The following GPHN variants were observed in gnomAD, a reference collection of about 807,000 sequenced individuals.
GPHN encodes gephyrin.
GPHN carries 17 observed loss-of-function variants against 95.5 expected under a neutral mutation model. The observed-to-expected ratio is 0.18, with a 90% CI of 0.12 to 0.27. The LOEUF (loss-of-function observed/expected upper bound fraction) is 0.27, where lower values mean the gene tolerates loss of function less well. Among genes scored for constraint, GPHN ranks in the 10% least tolerant of loss-of-function variants. GPHN has a pLI of 1.00. For synonymous variants in GPHN, 320 were observed against 322.5 expected (o/e 0.99, Z 0.08); for missense variants, 660 against 978.1 (o/e 0.67, Z 4.34).
chr14:67,398,106 G>A, the GPHN span: 1 of 302,470 alleles, frequency 3.3e-6, no homozygotes, highest in Non-Finnish European at 6.0e-6. Flanking sequence ...CTACTGCTAG[G>A]AGACAGCCAT....
chr14:67,352,868 G>A, the GPHN span: 2 of 1,185,072 alleles, frequency 1.7e-6, no homozygotes, highest in East Asian at 2.5e-5. Context: ...AAAATGCCAA[G>A]GGCCATGCTG....
At chr14:66,802,817 G>A (rs1305449824) in intron 3 of GPHN, among the ~76,000 whole-genome samples, 2 of 152,066 alleles carry the variant, frequency 1.3e-5, no homozygotes, top group East Asian at 1.9e-4. Flanking sequence ...GGCTGAGCTG[G>A]TATCCCAGCT....
the GPHN span, among the ~76,000 whole-genome samples, chr14:67,507,017 C>T: frequency 1.3e-5 from 2 of 152,012 alleles, no homozygotes; most frequent in Non-Finnish European, 2.9e-5. Flanking sequence ...AAGAAAAAGC[C>T]TTGTTCAAAG....
At chr14:67,154,771 A>G (rs890682271) in intron 18 of GPHN, among the ~76,000 whole-genome samples, 5 of 152,176 alleles carry the variant, frequency 3.3e-5, no homozygotes, top group African/African-American at 1.2e-4. Context: ...AGACCTGAAG[A>G]TTTCTGCTTC....
intron 8 of GPHN, among the ~76,000 whole-genome samples, chr14:66,949,006 A>G (rs556332376): frequency 1.3e-5 from 2 of 152,326 alleles, no homozygotes; most frequent in Admixed American, 6.5e-5. Context: ...TCAGTATTAG[A>G]AGCTCTGAGA....
the GPHN span, among the ~76,000 whole-genome samples, chr14:67,682,952 T>C: frequency 6.6e-6 from 1 of 152,210 alleles, no homozygotes; most frequent in African/African-American, 2.4e-5. Context: ...CTTGATAACA[T>C]TAAGCTGAGT....
chr14:67,094,521 A>G (rs1226910306), intron 12 of GPHN, among the ~76,000 whole-genome samples: 1 of 152,134 alleles, frequency 6.6e-6, no homozygotes, highest in African/African-American at 2.4e-5. Context: ...CTTCAAATCT[A>G]TTCATCTTTT....
chr14:66,893,509 C>T (rs992058520), intron 5 of GPHN, among the ~76,000 whole-genome samples: 2 of 152,180 alleles, frequency 1.3e-5, no homozygotes, highest in African/African-American at 4.8e-5. Context: ...GAAATTCTGG[C>T]CAGGGCAATC....
At chr14:67,181,911 A>G (rs41314529), downstream of GPHN, 1,945 of 163,760 alleles carry the variant, frequency 0.012, 21 homozygotes, top group Non-Finnish European at 0.018. Flanking sequence ...AGAATATTTA[A>G]AATATGGTAT....
intron 16 of GPHN, among the ~76,000 whole-genome samples, chr14:67,120,270 T>G (rs1362757614): frequency 6.6e-6 from 1 of 152,204 alleles, no homozygotes; most frequent in Non-Finnish European, 1.5e-5. Context: ...GTAATAAATT[T>G]CAGACATCAT....
intron 5 of GPHN, among the ~76,000 whole-genome samples, chr14:66,905,842 C>G (rs1422974097): frequency 2.6e-5 from 4 of 152,114 alleles, no homozygotes; most frequent in African/African-American, 9.7e-5. Flanking sequence ...GTTTTCTGTT[C>G]CTGCATGAAT....
intron 2 of GPHN, among the ~76,000 whole-genome samples, chr14:66,758,771 A>G (rs185149543): frequency 6.6e-6 from 1 of 152,210 alleles, no homozygotes; most frequent in Admixed American, 6.5e-5. Flanking sequence ...ACCTGGCAGG[A>G]TTTGCAGGAT....
chr14:67,542,944 C>T, the GPHN span, among the ~76,000 whole-genome samples: 4 of 152,104 alleles, frequency 2.6e-5, no homozygotes, highest in East Asian at 1.9e-4. Flanking sequence ...AGGTGATCCT[C>T]GCCTCAGGTG....
At chr14:67,577,870 A>T in the GPHN span, among the ~76,000 whole-genome samples, 1 of 152,190 alleles carries the variant, frequency 6.6e-6, no homozygotes, top group Non-Finnish European at 1.5e-5. Flanking sequence ...TTTAGTAAGC[A>T]GAGATGCCCT....
the GPHN span, among the ~76,000 whole-genome samples, chr14:67,450,680 A>G: frequency 6.6e-6 from 1 of 152,216 alleles, no homozygotes; most frequent in African/African-American, 2.4e-5. Flanking sequence ...CAAAGCATTT[A>G]AGAGGTGACT....
the GPHN span, among the ~76,000 whole-genome samples, chr14:67,303,823 A>C: frequency 6.6e-6 from 1 of 151,430 alleles, no homozygotes; most frequent in African/African-American, 2.4e-5. Flanking sequence ...GGTAGAGTGC[A>C]GTGGTGTGAT....
At chr14:67,660,955 A>T in the GPHN span, among the ~76,000 whole-genome samples, 28 of 152,202 alleles carry the variant, frequency 1.8e-4, no homozygotes, top group Admixed American at 1.3e-4. Flanking sequence ...TCCCATTAGG[A>T]AGAAGATAGT....
the GPHN span, among the ~76,000 whole-genome samples, chr14:67,542,718 G>C: frequency 6.6e-6 from 1 of 151,674 alleles, no homozygotes; most frequent in Non-Finnish European, 1.5e-5. Flanking sequence ...TTCATTTATT[G>C]AGATGGAGTT....
At chr14:66,623,608 A>C (rs1292989764) in intron 1 of GPHN, among the ~76,000 whole-genome samples, 5 of 123,224 alleles carry the variant, frequency 4.1e-5, no homozygotes, top group Non-Finnish European at 6.3e-5. Flanking sequence ...TTGGAGTGAG[A>C]CTCTGTTTCA....
Sources: gnomAD v4.1 joint callset for allele counts (sites outside exome capture counted in the v4.1 genomes callset) on GRCh38, gnomAD v4.1.1 for gene constraint, MANE v1.5 for transcripts, NCBI Gene and HGNC (gene_info 2026-07-23, HGNC 2026-07-21) for gene names.